Variants in RPS6KC1 observed in about 807,000 individuals in gnomAD.
The protein encoded by RPS6KC1 is inactive ribosomal protein S6 kinase delta-1.
A neutral mutation model predicts 103.8 loss-of-function variants in RPS6KC1; 54 were observed. That is an observed-to-expected ratio of 0.52 (90% CI 0.42 to 0.65). The LOEUF (loss-of-function observed/expected upper bound fraction) is 0.65. Ranked by LOEUF, RPS6KC1 falls within the 30% of genes least tolerant of loss-of-function variation. RPS6KC1 has a pLI of 0.00. For synonymous variants in RPS6KC1, 439 were observed against 438.7 expected (o/e 1.00, Z -0.01); for missense variants, 1,151 against 1,253.8 (o/e 0.92, Z 1.24).
At chr1:213,345,444 C>T in the RPS6KC1 span, among the ~76,000 whole-genome samples, 3 of 152,124 alleles carry the variant, frequency 2.0e-5, no homozygotes, top group South Asian at 2.1e-4. Context: ...TGTTGTTATA[C>T]CAAGTAATTT....
At chr1:213,497,515 A>G in the RPS6KC1 span, among the ~76,000 whole-genome samples, 1 of 152,122 alleles carries the variant, frequency 6.6e-6, no homozygotes, top group African/African-American at 2.4e-5. Flanking sequence ...TTTCGATTAC[A>G]TATAATTTAG....
the RPS6KC1 span, among the ~76,000 whole-genome samples, chr1:213,518,425 T>TG: frequency 6.6e-6 from 1 of 152,214 alleles, no homozygotes; most frequent in African/African-American, 2.4e-5. Context: ...ATTACAGTGA[T>TG]GCTGCCACAA....
At chr1:213,062,772 G>A (rs537210348) in intron 1 of RPS6KC1, among the ~76,000 whole-genome samples, 1 of 152,110 alleles carries the variant, frequency 6.6e-6, no homozygotes, top group Admixed American at 6.5e-5. Context: ...GGCCAGGATG[G>A]TCTCATTCTT....
At chr1:213,471,856 G>C in the RPS6KC1 span, among the ~76,000 whole-genome samples, 1 of 151,884 alleles carries the variant, frequency 6.6e-6, no homozygotes, top group African/African-American at 2.4e-5. Context: ...TGGAGATGGT[G>C]AGGACAGGGA....
At chr1:213,856,313 A>G in the RPS6KC1 span, among the ~76,000 whole-genome samples, 1 of 152,122 alleles carries the variant, frequency 6.6e-6, no homozygotes, top group African/African-American at 2.4e-5. Flanking sequence ...AGGTGCTTTA[A>G]TTCTTCTTAC....
At chr1:213,793,376 G>A in the RPS6KC1 span, among the ~76,000 whole-genome samples, 3 of 152,158 alleles carry the variant, frequency 2.0e-5, no homozygotes, top group African/African-American at 4.8e-5. Flanking sequence ...AAAACACCTC[G>A]CGACTGCCGT....
At chr1:213,135,265 T>C (rs2086146170) in intron 6 of RPS6KC1, among the ~76,000 whole-genome samples, 1 of 152,160 alleles carries the variant, frequency 6.6e-6, no homozygotes, top group Non-Finnish European at 1.5e-5. Context: ...CTAGGATAAA[T>C]CCCACTTGCC....
At chr1:213,176,897 C>T (rs2091911183) in intron 8 of RPS6KC1, among the ~76,000 whole-genome samples, 1 of 152,068 alleles carries the variant, frequency 6.6e-6, no homozygotes, top group African/African-American at 2.4e-5. Flanking sequence ...TACTATATGT[C>T]GGACCCTATG....
At chr1:213,740,702 A>AT in the RPS6KC1 span, among the ~76,000 whole-genome samples, 4 of 149,030 alleles carry the variant, frequency 2.7e-5, no homozygotes, top group East Asian at 2.0e-4. Flanking sequence ...ACACATATAT[A>AT]CATCTCAGAT....
chr1:213,372,085 G>A, the RPS6KC1 span, among the ~76,000 whole-genome samples: 1 of 152,206 alleles, frequency 6.6e-6, no homozygotes, highest in African/African-American at 2.4e-5. Flanking sequence ...CAGGAATTCT[G>A]TTGTAATGGA....
chr1:213,805,333 C>T, the RPS6KC1 span, among the ~76,000 whole-genome samples: 2 of 152,232 alleles, frequency 1.3e-5, no homozygotes, highest in African/African-American at 4.8e-5. Flanking sequence ...AGTAGAATTT[C>T]TGTCAAAATT....
the RPS6KC1 span, among the ~76,000 whole-genome samples, chr1:213,710,921 C>T: frequency 3.9e-5 from 6 of 152,254 alleles, no homozygotes; most frequent in South Asian, 2.1e-4. Flanking sequence ...ATGGATAACC[C>T]GACCTTTCTC....
At chr1:213,171,526 T>C (rs530155208) in intron 7 of RPS6KC1, among the ~76,000 whole-genome samples, 9 of 152,308 alleles carry the variant, frequency 5.9e-5, no homozygotes, top group Admixed American at 3.3e-4. Context: ...ATTTAGCACA[T>C]AAAATATTTG....
chr1:213,380,378 T>C, the RPS6KC1 span, among the ~76,000 whole-genome samples: 2 of 152,148 alleles, frequency 1.3e-5, no homozygotes, highest in Non-Finnish European at 2.9e-5. Flanking sequence ...TAATGGATAC[T>C]AGGCTTAATA....
the RPS6KC1 span, among the ~76,000 whole-genome samples, chr1:213,724,175 C>A: frequency 1.3e-5 from 2 of 152,160 alleles, no homozygotes; most frequent in African/African-American, 4.8e-5. Context: ...GCAACCTCTG[C>A]CTCCTGGGTT....
the RPS6KC1 span, among the ~76,000 whole-genome samples, chr1:213,329,721 C>A: frequency 1.3e-5 from 2 of 152,206 alleles, no homozygotes; most frequent in African/African-American, 4.8e-5. Context: ...TTCCTTAGAT[C>A]TTTTTGTTTG....
intron 4 of RPS6KC1, among the ~76,000 whole-genome samples, chr1:213,113,925 A>G (rs377621069): frequency 1.2e-3 from 175 of 151,982 alleles, no homozygotes; most frequent in African/African-American, 2.8e-3. Context: ...CTATATCTCT[A>G]TTTTGGTACC....
rs185751179 is a variant in RPS6KC1 at position 213,204,351 on chromosome 1, A to T, written c.1045-26146A>T. On this transcript the variant is annotated intron_variant, in intron 8 of 14. Coordinates refer to ENST00000366960, the MANE Select transcript of RPS6KC1 (RefSeq NM_012424.6). ...TGTCAATTTCTTTTATCTTTTTATG[A>T]TTTTCCTTTATGGTTTGCCTTTGAT... Among the ~76,000 whole-genome samples, 5 of 151,974 alleles carry T rather than the reference A, an allele frequency of 3.3e-5. No homozygotes were observed. The East Asian group carries it at 9.7e-4, about 29-fold the overall frequency.
chr1:213,198,649 A>ACT (rs2093041613), intron 8 of RPS6KC1, among the ~76,000 whole-genome samples: 1 of 152,268 alleles, frequency 6.6e-6, no homozygotes, highest in African/African-American at 2.4e-5. Flanking sequence ...TGGGAAGAAT[A>ACT]GACTACTGAG....
Sources: allele counts gnomAD v4.1 joint callset (sites outside exome capture counted in the v4.1 genomes callset), GRCh38; gene constraint gnomAD v4.1.1; transcripts MANE v1.5; gene names NCBI Gene and HGNC (gene_info 2026-07-23, HGNC 2026-07-21).